CHD9: variants seen among roughly 807,000 people sequenced by gnomAD.
CHD9 encodes the protein ATP-dependent chromatin remodeler CHD9.
CHD9 carries 77 observed loss-of-function variants against 316.1 expected under a neutral mutation model. The ratio of observed to expected loss-of-function variants is 0.24; its 90% confidence interval spans 0.20 to 0.29. The LOEUF is 0.29. Ranked by LOEUF, CHD9 falls within the 10% of genes least tolerant of loss-of-function variation. The pLI, the probability that CHD9 is intolerant of heterozygous loss-of-function variation, is 1.00. For synonymous variants in CHD9, 1,129 were observed against 1,158.3 expected (o/e 0.97, Z 0.51); for missense variants, 2,763 against 3,438.1 (o/e 0.80, Z 4.91).
At chr16:53,253,777 C>G (rs2050326659) in intron 17 of CHD9, among the ~76,000 whole-genome samples, 1 of 152,044 alleles carries the variant, frequency 6.6e-6, no homozygotes, top group Non-Finnish European at 1.5e-5. Context: ...CATAGCAAGT[C>G]CCCATGTCTA....
chr16:53,317,954 G>A (rs2057003121), intron 36 of CHD9, among the ~76,000 whole-genome samples: 1 of 152,060 alleles, frequency 6.6e-6, no homozygotes, highest in African/African-American at 2.4e-5. Context: ...CTACTTGAGA[G>A]GCTGAGGTGG....
chr16:53,160,984 T>C (rs1278060197), intron 2 of CHD9, among the ~76,000 whole-genome samples: 2 of 151,974 alleles, frequency 1.3e-5, no homozygotes, highest in African/African-American at 4.8e-5. Context: ...CTTTGAGAGG[T>C]TGAGACAAGA....
intron 1 of CHD9, among the ~76,000 whole-genome samples, chr16:53,141,912 A>T (rs1054835724): frequency 1.3e-5 from 2 of 152,132 alleles, no homozygotes; most frequent in Non-Finnish European, 2.9e-5. Context: ...ATATTAATGG[A>T]GGTGTGAGAA....
chr16:53,277,716 A>C (rs992880511), intron 24 of CHD9, among the ~76,000 whole-genome samples: 1 of 152,110 alleles, frequency 6.6e-6, no homozygotes, highest in Non-Finnish European at 1.5e-5. Context: ...AAGGATGCCC[A>C]CTCTCACCAC....
chr16:53,292,728 T>C (rs1195338144), intron 28 of CHD9, 105 bp from the exon 29 acceptor site: 16 of 813,472 alleles, frequency 2.0e-5, no homozygotes, highest in East Asian at 5.2e-5. Context: ...TGTTTTTTTT[T>C]CCCCACATAG....
At chr16:53,300,449 G>A (rs1567648777) in intron 30 of CHD9, among the ~76,000 whole-genome samples, 1 of 152,062 alleles carries the variant, frequency 6.6e-6, no homozygotes, top group Non-Finnish European at 1.5e-5. Flanking sequence ...TTCAAAAAAG[G>A]AAGATTAACA....
At chr16:53,300,167 C>T (rs554132000) in intron 30 of CHD9, among the ~76,000 whole-genome samples, 16 of 152,190 alleles carry the variant, frequency 1.1e-4, no homozygotes, top group Admixed American at 9.2e-4. Flanking sequence ...GCCTGGCCAA[C>T]GTGGCGAAAC....
intron 22 of CHD9, among the ~76,000 whole-genome samples, chr16:53,271,397 C>T (rs1339015534): frequency 2.0e-5 from 3 of 151,668 alleles, no homozygotes; most frequent in Non-Finnish European, 2.9e-5. Context: ...GGTGAAACCC[C>T]GTCTCTACTA....
rs929396594 is a variant in CHD9 at position 53,173,301 on chromosome 16, C to G, written c.1452+15760C>G. Among the ~76,000 whole-genome samples, 329 of 152,166 alleles carry G rather than the reference C, an allele frequency of 2.2e-3. 2 individuals are homozygous for G. The highest frequency in any genetic ancestry group is 7.7e-3 in the African/African-American group (318 of 41,546). Reference sequence around the variant, plus strand: ...TTCAAGGTATTTTTCCCATTTCATTCAAGCTGTTAAATTTATCAGTATAAT... The same window carrying G: ...TTCAAGGTATTTTTCCCATTTCATTGAAGCTGTTAAATTTATCAGTATAAT... On this transcript the variant is annotated intron_variant, in intron 2 of 38. Coordinates refer to ENST00000447540, the MANE Select transcript of CHD9 (RefSeq NM_001308319.2).
chr16:53,169,731 C>T (rs1239079839), intron 2 of CHD9, among the ~76,000 whole-genome samples: 4 of 152,092 alleles, frequency 2.6e-5, no homozygotes, highest in Non-Finnish European at 4.4e-5. Context: ...CATTCACCTC[C>T]ATGAATATAA....
At chr16:53,151,987 T>C (rs1028908585) in intron 1 of CHD9, among the ~76,000 whole-genome samples, 121 of 152,138 alleles carry the variant, frequency 8.0e-4, no homozygotes, top group African/African-American at 2.7e-3. Context: ...TGTGTGTGTG[T>C]GTGTGTGATT....
chr16:53,209,766 C>T lies in CHD9; in HGVS notation c.1737C>T (p.Ser579=), dbSNP rs1343511029. 6.3e-7 allele frequency: 1 copy of T among 1,593,312 alleles called. No individual in the cohort carries two copies. Among genetic ancestry groups the T allele is most frequent in the Admixed American group, 1.8e-5 (1 of 54,860 alleles). The part of the protein sequence containing the change: ...RMKSKPKDKD[S]KKTKTCSKLK... ...AATCCAAGCCAAAGGACAAAGACAG[C>T]AAAAAAACAAAAACATGTTCTAAGT... The change falls in exon 3 of 39, where the codon AGC becomes AGT. Residue 579 remains serine, a synonymous_variant. Transcript: ENST00000447540.
chr16:53,180,916 C>T (rs571704036), intron 2 of CHD9, among the ~76,000 whole-genome samples: 1 of 151,984 alleles, frequency 6.6e-6, no homozygotes, highest in East Asian at 1.9e-4. Context: ...ACCTCGTGAT[C>T]CGCCTGCCTC....
At chr16:53,124,470 T>C (rs1197603123) in intron 1 of CHD9, among the ~76,000 whole-genome samples, 2 of 127,688 alleles carry the variant, frequency 1.6e-5, no homozygotes, top group Non-Finnish European at 3.1e-5. Flanking sequence ...AGACTTAATT[T>C]TTTTTTTTTT....
intron 24 of CHD9, among the ~76,000 whole-genome samples, chr16:53,275,952 A>G (rs2052769567): frequency 6.6e-6 from 1 of 152,086 alleles, no homozygotes; most frequent in African/African-American, 2.4e-5. Flanking sequence ...TGATCTTGCT[A>G]TCACCACTAA....
At chr16:53,185,535 G>A (rs1231957255) in intron 2 of CHD9, among the ~76,000 whole-genome samples, 2 of 152,176 alleles carry the variant, frequency 1.3e-5, no homozygotes, top group Non-Finnish European at 1.5e-5. Flanking sequence ...CCATTTTCTG[G>A]GGAGAAATTT....
chr16:53,174,293 A>T (rs1170656782), intron 2 of CHD9, among the ~76,000 whole-genome samples: 3 of 152,216 alleles, frequency 2.0e-5, no homozygotes, highest in Non-Finnish European at 4.4e-5. Flanking sequence ...CCTGTCTCAA[A>T]AACCAAAAAG....
chr16:53,172,612 T>C (rs2042844744), intron 2 of CHD9, among the ~76,000 whole-genome samples: 1 of 152,216 alleles, frequency 6.6e-6, no homozygotes, highest in Non-Finnish European at 1.5e-5. Context: ...AAAGAGATTG[T>C]ACCATTTTAC....
At chr16:53,179,197 AG>A (rs1425301289) in intron 2 of CHD9, among the ~76,000 whole-genome samples, 2 of 152,230 alleles carry the variant, frequency 1.3e-5, no homozygotes, top group Non-Finnish European at 2.9e-5. Context: ...CTATTTTATT[AG>A]ACATCTCCCA....
Sources: allele counts gnomAD v4.1 joint callset (sites outside exome capture counted in the v4.1 genomes callset), GRCh38; gene constraint gnomAD v4.1.1; transcripts MANE v1.5; gene names NCBI Gene and HGNC (gene_info 2026-07-23, HGNC 2026-07-21).